The following TLE2 variants were observed in gnomAD, a reference collection of about 807,000 sequenced individuals.
TLE2 encodes TLE family member 2, transcriptional corepressor, also known as transducin-like enhancer protein 2.
Under a neutral mutation model 97.2 loss-of-function variants are expected in TLE2, and 74 were observed. That is an observed-to-expected ratio of 0.76 (90% CI 0.63 to 0.92). The LOEUF is 0.92. Among genes scored for constraint, TLE2 ranks in the 40% least tolerant of loss-of-function variants. The pLI is 0.00. For missense variants in TLE2, 1,038 were observed against 1,008.7 expected (o/e 1.03, Z -0.39); for synonymous variants, 499 against 432.1 (o/e 1.15, Z -1.92).
intron 14 of TLE2, among the ~76,000 whole-genome samples, chr19:3,008,332 C>T (rs764794126): frequency 1.3e-5 from 2 of 152,224 alleles, no homozygotes; most frequent in Non-Finnish European, 2.9e-5. Flanking sequence ...TCTCCTCCCC[C>T]AGCTGTGACA....
chr19:3,015,798 G>A (rs768074458), intron 8 of TLE2, 38 bp from the exon 9 acceptor site: 1 of 1,473,076 alleles, frequency 6.8e-7, no homozygotes, highest in East Asian at 2.4e-5. Context: ...AAAGGGTCAG[G>A]GCCCTGGGCT....
At chr19:3,014,875 C>G (rs559282560) in intron 9 of TLE2, among the ~76,000 whole-genome samples, 2 of 152,160 alleles carry the variant, frequency 1.3e-5, no homozygotes, top group Admixed American at 6.5e-5. Flanking sequence ...CCCTGTGTGA[C>G]TCCCGGCCCT....
chr19:3,023,748 C>T (rs896408301), intron 5 of TLE2, among the ~76,000 whole-genome samples: 2 of 151,598 alleles, frequency 1.3e-5, no homozygotes, highest in South Asian at 2.1e-4. Flanking sequence ...AAAAATTAGC[C>T]GGGCGTGGTG....
intron 7 of TLE2, 54 bp from the exon 8 acceptor site, chr19:3,017,913 G>A (rs1458023340): frequency 1.3e-6 from 2 of 1,579,402 alleles, no homozygotes; most frequent in African/African-American, 1.4e-5. Flanking sequence ...TGAGGCGTTT[G>A]TATCCACGGC....
intron 9 of TLE2, 92 bp from the exon 10 acceptor site, chr19:3,014,706 G>GC: frequency 8.0e-7 from 1 of 1,251,042 alleles, no homozygotes; most frequent in Non-Finnish European, 1.1e-6. Context: ...CATGAGCCCA[G>GC]CCAGCCCTGG....
chr19:3,014,669 C>G, intron 9 of TLE2, 55 bp from the exon 10 acceptor site: 1 of 1,482,336 alleles, frequency 6.7e-7, no homozygotes, highest in Non-Finnish European at 9.0e-7. Flanking sequence ...CCTCCACACC[C>G]CCTATCCGCT....
Position 3,005,419 on chromosome 19 carries a change from G to C in TLE2, c.1896+18C>G, listed in dbSNP as rs1472730038. On this transcript the variant is annotated intron_variant, in intron 17 of 19. Coordinates refer to ENST00000262953, the MANE Select transcript of TLE2 (RefSeq NM_003260.5). Reference sequence around the variant, plus strand: ...TTCCTAGAGCTTCCATCCCCCTCCTGCCAGAACCGAACAGCACCTGGGAGC... The same window carrying C: ...TTCCTAGAGCTTCCATCCCCCTCCTCCCAGAACCGAACAGCACCTGGGAGC... 6.2e-7 allele frequency: 1 copy of C among 1,612,566 alleles called. No individual in the cohort carries two copies. Among genetic ancestry groups the C allele is most frequent in the Non-Finnish European group, 8.5e-7 (1 of 1,179,352 alleles).
Position 3,025,014 on chromosome 19 carries a change from A to T in TLE2, c.294+6T>A, listed in dbSNP as rs918449735. On this transcript the variant is annotated splice_donor_region_variant and intron_variant, in intron 5 of 19. Transcript: ENST00000262953. ...CCCTCCTCCCCCCACCCCCAGGCCC[A>T]CTCACCTCCTGGGTCAGGAAGGGGA... The T allele has an allele frequency of 2.4e-5, 34 of 1,437,218 alleles. No homozygotes were observed. The highest frequency in any genetic ancestry group is 1.3e-4 in the Admixed American group (7 of 52,398). The allele number at this position is 1,437,218 out of a possible 1,614,324, so 89.0% of individuals were successfully genotyped here.
rs201138448 is a variant in TLE2 at position 3,008,854 on chromosome 19, C to CA, written c.1250+14dup. ...GCCCGGGACCCCAGGCAGGGAGCCC[C>CA]ACCCTGGTACTCACGGCTTTCCCCC... On this transcript the variant is annotated intron_variant, in intron 14 of 19. Coordinates refer to ENST00000262953, the MANE Select transcript of TLE2 (RefSeq NM_003260.5). 21,567 of 1,547,086 alleles carry CA rather than the reference C, an allele frequency of 0.014. 188 individuals carry two copies. Among genetic ancestry groups the CA allele is most frequent in the Non-Finnish European group, 0.017 (19,362 of 1,144,220 alleles).
At chr19:3,034,882 G>T (rs1022054673) in intron 1 of TLE2, among the ~76,000 whole-genome samples, 2 of 152,134 alleles carry the variant, frequency 1.3e-5, no homozygotes, top group African/African-American at 2.4e-5. Flanking sequence ...ACCCTCCCAG[G>T]GTCACATAGG....
chr19:3,017,027 C>T (rs1008421519), intron 8 of TLE2, among the ~76,000 whole-genome samples: 1 of 152,156 alleles, frequency 6.6e-6, no homozygotes, highest in Non-Finnish European at 1.5e-5. Context: ...ATCCACCCAC[C>T]TTGGCCTCCC....
At chr19:3,025,107 C>G (rs1349238652) in intron 4 of TLE2, 25 bp from the exon 5 acceptor site, 1 of 1,592,260 alleles carries the variant, frequency 6.3e-7, no homozygotes, top group Admixed American at 1.8e-5. Flanking sequence ...TGAGAGGAAG[C>G]TTGGAGCGGG....
At chr19:3,013,177 G>A (rs2089632206) in intron 11 of TLE2, among the ~76,000 whole-genome samples, 1 of 152,098 alleles carries the variant, frequency 6.6e-6, no homozygotes, top group Non-Finnish European at 1.5e-5. Context: ...TGCCCTGGGG[G>A]TGCTTTTAGA....
chr19:3,011,253 C>A (rs1016767031), intron 11 of TLE2, 93 bp from the exon 12 acceptor site: 4 of 1,374,602 alleles, frequency 2.9e-6, no homozygotes, highest in South Asian at 1.5e-5. Context: ...GGCGGCCAGT[C>A]GCAGTGTCTC....
At chr19:3,023,147 C>G (rs2201123) in intron 5 of TLE2, among the ~76,000 whole-genome samples, 11,380 of 151,714 alleles carry the variant, frequency 0.075, 485 homozygotes, top group Non-Finnish European at 0.077. Flanking sequence ...CTCCACCCCC[C>G]GGGTTCAAGC....
chr19:3,014,553 T>C lies in TLE2; in HGVS notation c.723+17A>G, dbSNP rs1400089511. ...CTGTGCCCAGAGTCGGGGAAGAGGC[T>C]GGACCCCTGGACTCACCTCGTCCAC... On this transcript the variant is annotated intron_variant, in intron 10 of 19. Coordinates refer to ENST00000262953, the MANE Select transcript of TLE2 (RefSeq NM_003260.5). 1.9e-6 allele frequency: 3 copies of C among 1,570,570 alleles called. No individual in the cohort carries two copies. Among genetic ancestry groups the C allele is most frequent in the South Asian group, 1.2e-5 (1 of 84,638 alleles).
At chr19:3,026,212 C>T (rs376090589) in intron 4 of TLE2, among the ~76,000 whole-genome samples, 49 of 151,966 alleles carry the variant, frequency 3.2e-4, no homozygotes, top group African/African-American at 1.2e-3. Context: ...TTTGGGAGGC[C>T]GAGGCAGGTG....
rs1555695656 is a variant in TLE2, at chr19:3,041,013, A to ATATATATAT, written c.63+4712_63+4713insATATATATA. On this transcript the variant is annotated intron_variant, in intron 1 of 18. Coordinates refer to the TLE2 transcript ENST00000426948. ...CATTTATATATATATATATATATAT[A>ATATATATAT]TTTTTTTTTTTTTTTTTTTTTTTTT... is the stretch of plus-strand genomic sequence containing the variant. Among the ~76,000 whole-genome samples the ATATATATAT allele has an allele frequency of 7.6e-4, 22 of 28,986 alleles. 1 individual carries two copies. The highest frequency in any genetic ancestry group is 1.1e-3 in the Non-Finnish European group (19 of 17,528). 19.0% of individuals were successfully genotyped at this position (28,986 alleles called of 152,430 possible).
At chr19:3,026,641 T>G (rs2089950355) in intron 4 of TLE2, among the ~76,000 whole-genome samples, 2 of 139,844 alleles carry the variant, frequency 1.4e-5, no homozygotes, top group Non-Finnish European at 3.1e-5. Flanking sequence ...CTGAACCCTG[T>G]CTATCTCAGA....
Sources: gnomAD v4.1 joint callset for allele counts (sites outside exome capture counted in the v4.1 genomes callset) on GRCh38, gnomAD v4.1.1 for gene constraint, MANE v1.5 for transcripts, NCBI Gene and HGNC (gene_info 2026-07-23, HGNC 2026-07-21) for gene names.